The following FBXL5 variants were observed in gnomAD, a reference collection of about 807,000 sequenced individuals.
FBXL5 encodes F-box and leucine rich repeat protein 5.
A neutral mutation model predicts 78.3 loss-of-function variants in FBXL5; 26 were observed. The ratio of observed to expected loss-of-function variants is 0.33; its 90% CI spans 0.24 to 0.46. The LOEUF (loss-of-function observed/expected upper bound fraction) is 0.46. FBXL5 is among the 20% of genes least tolerant of loss of function. FBXL5 has a pLI of 1.00. For missense variants in FBXL5, 710 were observed against 829.2 expected, an observed-to-expected ratio of 0.86 and a Z score of 1.77; for synonymous variants, 295 against 282.5, an observed-to-expected ratio of 1.04 and a Z score of -0.45.
upstream of FBXL5, among the ~76,000 whole-genome samples, chr4:15,663,614 T>C (rs1717409733): frequency 6.6e-6 from 1 of 152,214 alleles, no homozygotes. Flanking sequence ...GAAATGGAAA[T>C]ACTACTACCT....
intron 9 of FBXL5, among the ~76,000 whole-genome samples, chr4:15,613,874 T>G (rs555535367): frequency 1.3e-5 from 2 of 152,216 alleles, no homozygotes; most frequent in South Asian, 4.1e-4. Flanking sequence ...TAAGTTTCTA[T>G]TCACCTTTCT....
chr4:15,668,105 A>C (rs185030653), intron 1 of FBXL5, among the ~76,000 whole-genome samples: 353 of 152,124 alleles, frequency 2.3e-3, no homozygotes, highest in African/African-American at 7.9e-3. Context: ...CAATGATTGT[A>C]ACAATTAAAA....
At chr4:15,629,742 G>A (rs921861726) in intron 6 of FBXL5, among the ~76,000 whole-genome samples, 1 of 151,924 alleles carries the variant, frequency 6.6e-6, no homozygotes, top group African/African-American at 2.4e-5. Flanking sequence ...GCACATCTGC[G>A]TTTCATAAAA....
chr4:15,629,201 G>A (rs768302788), intron 6 of FBXL5, among the ~76,000 whole-genome samples: 2 of 152,070 alleles, frequency 1.3e-5, no homozygotes, highest in East Asian at 1.9e-4. Flanking sequence ...TCTTTACAGC[G>A]TTAACTTTTC....
chr4:15,641,095 TATC>T (rs944799281), intron 2 of FBXL5, among the ~76,000 whole-genome samples: 1 of 152,112 alleles, frequency 6.6e-6, no homozygotes, highest in Non-Finnish European at 1.5e-5. Context: ...ATTTTTAAAA[TATC>T]ATAAAAAGTC....
At chr4:15,645,864 T>C (rs1715299316) in intron 1 of FBXL5, among the ~76,000 whole-genome samples, 4 of 152,236 alleles carry the variant, frequency 2.6e-5, no homozygotes, top group Admixed American at 2.6e-4. Flanking sequence ...TATAAATTCA[T>C]ACATTTTTTA....
chr4:15,665,448 A>C (rs991313828), intron 1 of FBXL5, among the ~76,000 whole-genome samples: 1 of 152,186 alleles, frequency 6.6e-6, no homozygotes, highest in Non-Finnish European at 1.5e-5. Context: ...TCTACCTTGC[A>C]GGAATTACCC....
At chr4:15,648,511 A>G (rs1470352351) in intron 1 of FBXL5, among the ~76,000 whole-genome samples, 1 of 152,210 alleles carries the variant, frequency 6.6e-6, no homozygotes, top group Admixed American at 6.5e-5. Context: ...AGTAAAGAAA[A>G]TGTGATATAT....
chr4:15,665,338 C>T (rs138263182), intron 1 of FBXL5, among the ~76,000 whole-genome samples: 1 of 152,278 alleles, frequency 6.6e-6, no homozygotes, highest in East Asian at 1.9e-4. Context: ...TTAGCCAAGG[C>T]AAACTTGAGG....
chr4:15,637,724 A>C (rs1714435863), intron 4 of FBXL5, among the ~76,000 whole-genome samples: 1 of 152,188 alleles, frequency 6.6e-6, no homozygotes, highest in Non-Finnish European at 1.5e-5. Flanking sequence ...GATTAATTAT[A>C]GCTTAACTTG....
intron 1 of FBXL5, among the ~76,000 whole-genome samples, chr4:15,673,447 AATAAAG>A (rs1216345862): frequency 2.0e-5 from 3 of 152,190 alleles, no homozygotes; most frequent in African/African-American, 4.8e-5. Context: ...TCTCAAAAAA[AATAAAG>A]ATAAAATAAG....
rs1560205246 is a variant in FBXL5 at position 15,605,818 on chromosome 4, A to G, written c.2000-19T>C. 6.3e-7 allele frequency: 1 copy of G among 1,599,620 alleles called. No individual in the cohort carries two copies. The highest frequency in any genetic ancestry group is 8.6e-7 in the Non-Finnish European group (1 of 1,167,838). The stretch of plus-strand genomic sequence containing the variant: ...TGAGGACCTGTATGAAAACAGAAAA[A>G]TGTGAAAGGAGGAATTTCTTAGAGA... On this transcript the variant is annotated intron_variant, in intron 10 of 10. Transcript: ENST00000341285.
intron 1 of FBXL5, 38 bp from the exon 2 acceptor site, chr4:15,644,746 G>T (rs373133849): frequency 1.3e-5 from 18 of 1,412,626 alleles, no homozygotes; most frequent in Middle Eastern, 3.6e-4. Flanking sequence ...TAATAAATAC[G>T]TGCAAATATG....
intron 1 of FBXL5, among the ~76,000 whole-genome samples, chr4:15,670,224 A>G (rs1033674285): frequency 1.2e-4 from 19 of 152,348 alleles, no homozygotes; most frequent in East Asian, 1.9e-4. Context: ...TAGAGCTACA[A>G]TGGACATTTG....
At chr4:15,642,736 T>C (rs1427684480) in intron 2 of FBXL5, among the ~76,000 whole-genome samples, 2 of 152,174 alleles carry the variant, frequency 1.3e-5, no homozygotes, top group East Asian at 1.9e-4. Context: ...AAATTTGCTT[T>C]TTCATACTGG....
intron 10 of FBXL5, among the ~76,000 whole-genome samples, chr4:15,606,833 T>C (rs1279260447): frequency 6.6e-6 from 1 of 152,222 alleles, no homozygotes; most frequent in Non-Finnish European, 1.5e-5. Context: ...TCTGGGGTGA[T>C]ATCTAGCTTA....
upstream of FBXL5, among the ~76,000 whole-genome samples, chr4:15,661,819 TG>T (rs1190179139): frequency 1.3e-5 from 2 of 152,206 alleles, no homozygotes; most frequent in African/African-American, 4.8e-5. Flanking sequence ...GCAGTCAGAT[TG>T]GCAGCTAAAG....
chr4:15,651,079 T>C (rs769253446), intron 1 of FBXL5, among the ~76,000 whole-genome samples: 6 of 152,186 alleles, frequency 3.9e-5, no homozygotes, highest in Non-Finnish European at 7.3e-5. Context: ...AAAACACATA[T>C]ATTATTCCCC....
At chr4:15,658,753 T>TA (rs2148758658), upstream of FBXL5, among the ~76,000 whole-genome samples, 1 of 152,340 alleles carries the variant, frequency 6.6e-6, no homozygotes, top group East Asian at 1.9e-4. Context: ...GAAAACAGAC[T>TA]AAGACAGGCA....
Sources: allele counts gnomAD v4.1 joint callset (sites outside exome capture counted in the v4.1 genomes callset), GRCh38; gene constraint gnomAD v4.1.1; transcripts MANE v1.5; gene names NCBI Gene and HGNC (gene_info 2026-07-23, HGNC 2026-07-21).